CNTNAP2: variants seen among roughly 807,000 people sequenced by gnomAD.
CNTNAP2 encodes contactin-associated protein-like 2.
Under a neutral mutation model 155.2 loss-of-function variants are expected in CNTNAP2, and 98 were observed. The ratio of observed to expected loss-of-function variants is 0.63; its 90% confidence interval spans 0.54 to 0.75. The LOEUF (loss-of-function observed/expected upper bound fraction) is 0.75. Ranked by LOEUF, CNTNAP2 falls within the 30% of genes least tolerant of loss-of-function variation. The probability of loss-of-function intolerance (pLI) is 0.00; values close to 1 mark genes in which losing one functional copy is unlikely to be tolerated. For missense variants in CNTNAP2, 1,727 were observed against 1,688.1 expected, an observed-to-expected ratio of 1.02 and a Z score of -0.40; for synonymous variants, 651 against 631.2, an observed-to-expected ratio of 1.03 and a Z score of -0.47.
chr7:147,559,819 A>G (rs1800024146), intron 11 of CNTNAP2, among the ~76,000 whole-genome samples: 1 of 151,482 alleles, frequency 6.6e-6, no homozygotes, highest in Non-Finnish European at 1.5e-5. Flanking sequence ...ACTCCTCTGT[A>G]TTCCTAATCA....
chr7:148,389,753 A>C (rs1244516452), intron 22 of CNTNAP2: 1 of 151,852 alleles, frequency 6.6e-6, no homozygotes, highest in Non-Finnish European at 1.5e-5. Context: ...ACTCCTGAGC[A>C]TGAAGCTGGC....
intron 8 of CNTNAP2, among the ~76,000 whole-genome samples, chr7:147,275,085 G>T (rs1437872959): frequency 6.6e-6 from 1 of 152,076 alleles, no homozygotes; most frequent in African/African-American, 2.4e-5. Context: ...TTTGAAATCA[G>T]ATAATGTGAT....
intron 4 of CNTNAP2, among the ~76,000 whole-genome samples, chr7:147,055,728 C>T (rs1799549997): frequency 6.6e-6 from 1 of 152,100 alleles, no homozygotes; most frequent in Admixed American, 6.6e-5. Flanking sequence ...CTGGTTCCCA[C>T]CGGAGGATGT....
At chr7:147,651,867 T>C (rs1207618243) in intron 13 of CNTNAP2, among the ~76,000 whole-genome samples, 1 of 152,212 alleles carries the variant, frequency 6.6e-6, no homozygotes, top group Non-Finnish European at 1.5e-5. Flanking sequence ...AGCACCTCCA[T>C]TGAGCCAAAT....
intron 2 of CNTNAP2, among the ~76,000 whole-genome samples, chr7:146,787,620 T>C (rs1269966144): frequency 1.3e-5 from 2 of 152,082 alleles, no homozygotes; most frequent in Non-Finnish European, 2.9e-5. Context: ...GCAAGATTTA[T>C]TGTGAAAAGC....
At chr7:146,276,766 G>A (rs1343010221) in intron 1 of CNTNAP2, among the ~76,000 whole-genome samples, 1 of 152,104 alleles carries the variant, frequency 6.6e-6, no homozygotes, top group African/African-American at 2.4e-5. Flanking sequence ...AGGAACTGGC[G>A]GCATCCTATC....
At chr7:146,728,315 TG>T (rs1202723184) in intron 1 of CNTNAP2, among the ~76,000 whole-genome samples, 2 of 151,558 alleles carry the variant, frequency 1.3e-5, no homozygotes, top group African/African-American at 4.9e-5. Flanking sequence ...AATGAGGGAG[TG>T]GGGAGGTCAC....
intron 1 of CNTNAP2, among the ~76,000 whole-genome samples, chr7:146,621,758 T>C (rs886226554): frequency 6.6e-6 from 1 of 152,204 alleles, no homozygotes. Context: ...CAGTGCAGAC[T>C]CTTTCCATAC....
intron 2 of CNTNAP2, among the ~76,000 whole-genome samples, chr7:146,838,882 T>C (rs1803667061): frequency 6.6e-6 from 1 of 152,214 alleles, no homozygotes. Context: ...CTGAACTCAC[T>C]GTAAAAATTA....
At chr7:146,875,749 A>C (rs562289081) in intron 3 of CNTNAP2, among the ~76,000 whole-genome samples, 1 of 151,850 alleles carries the variant, frequency 6.6e-6, no homozygotes, top group Middle Eastern at 3.4e-3. Context: ...TAGCTTTATA[A>C]AAATTTTTCA....
chr7:147,207,964 T>A (rs1803055350), intron 8 of CNTNAP2, among the ~76,000 whole-genome samples: 1 of 152,142 alleles, frequency 6.6e-6, no homozygotes, highest in African/African-American at 2.4e-5. Context: ...GTAATCATCT[T>A]TGTACTTACG....
rs1455233277 is a variant in CNTNAP2, at chr7:146,245,401, TAG to T, written c.97+128433_97+128434del. The stretch of plus-strand genomic sequence containing the variant: ...TAGATTTTGGAAGTTATGAGAAATG[TAG>T]AGAGTAAGTTGAGCATAGTTTGTGA... On this transcript the variant is annotated intron_variant, in intron 1 of 23. Coordinates refer to ENST00000361727, the MANE Select transcript of CNTNAP2 (RefSeq NM_014141.6). Among the ~76,000 whole-genome samples the T allele has an allele frequency of 2.0e-5, 3 of 152,238 alleles. No individual in the cohort carries two copies. The East Asian group carries it at 5.8e-4, about 30-fold the overall frequency.
intron 14 of CNTNAP2, among the ~76,000 whole-genome samples, chr7:147,914,321 A>T (rs1309527535): frequency 1.3e-5 from 2 of 152,082 alleles, no homozygotes; most frequent in African/African-American, 4.8e-5. Context: ...TGGGCAGATC[A>T]CCTGAGGTCA....
chr7:147,940,685 C>T (rs954592609), intron 14 of CNTNAP2, among the ~76,000 whole-genome samples: 50 of 152,054 alleles, frequency 3.3e-4, no homozygotes, highest in African/African-American at 1.1e-3. Flanking sequence ...CAGACAAGCG[C>T]CATCACACCT....
At chr7:148,307,110 G>A (rs76164032) in intron 21 of CNTNAP2, among the ~76,000 whole-genome samples, 2 of 152,078 alleles carry the variant, frequency 1.3e-5, no homozygotes, top group East Asian at 1.9e-4. Flanking sequence ...AGAGGACTGC[G>A]AGGTTCAAGA....
intron 1 of CNTNAP2, among the ~76,000 whole-genome samples, chr7:146,258,982 G>T (rs1289415282): frequency 6.6e-6 from 1 of 152,160 alleles, no homozygotes; most frequent in African/African-American, 2.4e-5. Flanking sequence ...GAGAGACCTG[G>T]TGGGAGGTTA....
chr7:146,846,083 T>C (rs900062450), intron 3 of CNTNAP2, among the ~76,000 whole-genome samples: 5 of 152,190 alleles, frequency 3.3e-5, no homozygotes, highest in Non-Finnish European at 5.9e-5. Flanking sequence ...ATCTAGAATT[T>C]TGTCTGCATG....
At chr7:147,491,325 C>T (rs1361152088) in intron 11 of CNTNAP2, among the ~76,000 whole-genome samples, 1 of 152,050 alleles carries the variant, frequency 6.6e-6, no homozygotes, top group Admixed American at 6.5e-5. Context: ...CACGACCCCC[C>T]ACCACAGGAC....
At chr7:148,209,741 A>T (rs922872185) in intron 18 of CNTNAP2, among the ~76,000 whole-genome samples, 1 of 152,172 alleles carries the variant, frequency 6.6e-6, no homozygotes, top group Non-Finnish European at 1.5e-5. Context: ...AAATCAGATT[A>T]TGTCACCTTT....
Sources: allele counts gnomAD v4.1 joint callset (sites outside exome capture counted in the v4.1 genomes callset), GRCh38; gene constraint gnomAD v4.1.1; transcripts MANE v1.5; gene names NCBI Gene and HGNC (gene_info 2026-07-23, HGNC 2026-07-21).